The following DAB2IP variants were observed in gnomAD, a reference collection of about 807,000 sequenced individuals.
The protein encoded by DAB2IP is DAB2 interacting protein.
Under a neutral mutation model 107.2 loss-of-function variants are expected in DAB2IP, and 28 were observed. The observed-to-expected ratio is 0.26, with a 90% CI of 0.19 to 0.36. The LOEUF is 0.36. Ranked by LOEUF, DAB2IP falls within the 10% of genes least tolerant of loss-of-function variation. DAB2IP has a pLI of 1.00. For missense variants in DAB2IP, 1,400 were observed against 1,644.7 expected (o/e 0.85, Z 2.57); for synonymous variants, 755 against 706.4 (o/e 1.07, Z -1.09).
chr9:121,782,981 G>A lies in DAB2IP; in HGVS notation c.*483G>A, dbSNP rs2119048957. ...GCCAGGCCCTGTCATGTGGGACCTG[G>A]CACTTGGCAGATCAGTTGGCAGGCA... On this transcript the variant is annotated 3_prime_UTR_variant, in exon 16 of 16. Transcript: ENST00000408936. The surrounding 1 kb of genome is among the most constrained non-coding windows in gnomAD (Gnocchi z 6.1). 2.0e-6 allele frequency: 2 copies of A among 1,021,782 alleles called. No homozygotes were observed. Among genetic ancestry groups the A allele is most frequent in the East Asian group, 8.8e-5 (1 of 11,316 alleles). The allele number at this position is 1,021,782 out of a possible 1,614,324, so 63.3% of individuals were successfully genotyped here.
intron 1 of DAB2IP, among the ~76,000 whole-genome samples, chr9:121,620,512 A>C (rs752227926): frequency 1.6e-4 from 25 of 152,212 alleles, no homozygotes; most frequent in Non-Finnish European, 2.9e-4. Context: ...TGCTAACCCC[A>C]GTAGGTTCTT....
chr9:121,690,626 C>T (rs369188547), intron 2 of DAB2IP, among the ~76,000 whole-genome samples: 39 of 152,320 alleles, frequency 2.6e-4, no homozygotes, highest in African/African-American at 8.7e-4. Flanking sequence ...GGTTTCTGTT[C>T]GCTGATGCCC....
intron 14 of DAB2IP, among the ~76,000 whole-genome samples, chr9:121,778,177 A>G (rs1328716244): frequency 1.3e-5 from 2 of 152,204 alleles, no homozygotes; most frequent in African/African-American, 2.4e-5. Context: ...CTCACATTGT[A>G]GGGGGTGTGA....
chr9:121,609,919 G>C (rs1352330717), intron 1 of DAB2IP, among the ~76,000 whole-genome samples: 1 of 152,192 alleles, frequency 6.6e-6, no homozygotes, highest in East Asian at 1.9e-4. Flanking sequence ...AGCCAGCAAC[G>C]CCAAGCCTGC....
chr9:121,783,208 A>G (rs1588028159), exon 16 of DAB2IP: 3 of 1,119,686 alleles, frequency 2.7e-6, no homozygotes, highest in Non-Finnish European at 3.3e-6. Flanking sequence ...AGATAGACCC[A>G]GTGAGGGCCA....
At chr9:121,605,161 A>ACTACATGGTG (rs1564695956) in intron 1 of DAB2IP, among the ~76,000 whole-genome samples, 18 of 152,168 alleles carry the variant, frequency 1.2e-4, no homozygotes, top group Middle Eastern at 6.8e-3. Flanking sequence ...TTGGGACTAC[A>ACTACATGGTG]GGTGCTCGCC....
intron 1 of DAB2IP, among the ~76,000 whole-genome samples, chr9:121,664,518 C>A (rs963770435): frequency 1.3e-5 from 2 of 152,214 alleles, no homozygotes; most frequent in Non-Finnish European, 2.9e-5. Context: ...GTTTTCCAAG[C>A]CTTGAATGTA....
In DAB2IP at chr9:121,736,331, GC is replaced by G. The variant is rs1831906599; in HGVS notation, c.363-20680del. Among the ~76,000 whole-genome samples, 1 of 152,216 alleles carries G rather than the reference GC, an allele frequency of 6.6e-6. No individual in the cohort carries two copies. The highest frequency in any genetic ancestry group is 2.4e-5 in the African/African-American group (1 of 41,462). On this transcript the variant is annotated intron_variant, in intron 3 of 15. Transcript: ENST00000408936. This position sits in a 1 kb window ranked among gnomAD's most constrained non-coding sequence, Gnocchi z 4.6. Reference sequence around the variant, plus strand: ...CGCGGGCAAGTGAGGGGCTGGCGGGGCCGGTGGGGACCCAGACTCGCACGAA... The same window carrying G: ...CGCGGGCAAGTGAGGGGCTGGCGGGGCGGTGGGGACCCAGACTCGCACGAA...
intron 1 of DAB2IP, among the ~76,000 whole-genome samples, chr9:121,632,103 G>C (rs1448690709): frequency 6.6e-6 from 1 of 152,216 alleles, no homozygotes; most frequent in Non-Finnish European, 1.5e-5. Flanking sequence ...AGGAGGCTCA[G>C]ACCTCTGGGG....
At chr9:121,575,770 G>A (rs1448660942) in intron 1 of DAB2IP, among the ~76,000 whole-genome samples, 1 of 152,110 alleles carries the variant, frequency 6.6e-6, no homozygotes, top group Non-Finnish European at 1.5e-5. Context: ...GATACGCCCT[G>A]GGCTGCTTAG....
At chr9:121,750,741 T>C (rs1028037013) in intron 3 of DAB2IP, among the ~76,000 whole-genome samples, 1 of 152,244 alleles carries the variant, frequency 6.6e-6, no homozygotes, top group Non-Finnish European at 1.5e-5. Flanking sequence ...TTGGGGTCCT[T>C]TCCCTCCTTG....
intron 1 of DAB2IP, among the ~76,000 whole-genome samples, chr9:121,676,032 G>A (rs1035965540): frequency 2.0e-5 from 3 of 152,230 alleles, no homozygotes; most frequent in Non-Finnish European, 4.4e-5. Flanking sequence ...CTTAAGAGAC[G>A]GCGCCAGGCT....
intron 3 of DAB2IP, among the ~76,000 whole-genome samples, chr9:121,709,249 G>A (rs1266665765): frequency 6.6e-6 from 1 of 152,196 alleles, no homozygotes. Flanking sequence ...CTGCATTCAG[G>A]TCATGAAGCC....
At chr9:121,734,517 A>T (rs1166046877) in intron 3 of DAB2IP, among the ~76,000 whole-genome samples, 2 of 152,212 alleles carry the variant, frequency 1.3e-5, no homozygotes, top group East Asian at 1.9e-4. Flanking sequence ...CCCACTGGAG[A>T]TGGACATATT....
chr9:121,760,463 T>G lies in DAB2IP; in HGVS notation c.1170+24T>G, dbSNP rs1833808331. On this transcript the variant is annotated intron_variant, in intron 6 of 15. Coordinates refer to ENST00000408936, the Ensembl canonical transcript of DAB2IP. This position sits in a 1 kb window ranked among gnomAD's most constrained non-coding sequence, Gnocchi z 5.9. ...AGGTGCGTGCAGGCCCCTCGGCTCCTGACACAGGCTGGGCGGCAGCACTGG... is the reference window on the plus strand; with the variant it reads ...AGGTGCGTGCAGGCCCCTCGGCTCCGGACACAGGCTGGGCGGCAGCACTGG... The G allele has an allele frequency of 1.9e-6, 3 of 1,556,208 alleles. No individual in the cohort carries two copies. Among genetic ancestry groups the G allele is most frequent in the Non-Finnish European group, 2.6e-6 (3 of 1,155,896 alleles).
intron 3 of DAB2IP, among the ~76,000 whole-genome samples, chr9:121,753,547 G>A (rs562322588): frequency 6.6e-6 from 1 of 152,366 alleles, no homozygotes; most frequent in East Asian, 1.9e-4. Flanking sequence ...GTAGCTGTGG[G>A]CATGGCTCCT....
At chr9:121,770,759 G>A (rs369588392) in intron 11 of DAB2IP, 35 bp downstream of exon 11, 93 of 1,607,714 alleles carry the variant, frequency 5.8e-5, no homozygotes, top group Non-Finnish European at 7.6e-5. Context: ...TGTGGTGGGT[G>A]CGTGTGCAGA....
chr9:121,678,234 A>C (rs917997104), intron 1 of DAB2IP, among the ~76,000 whole-genome samples: 6 of 152,260 alleles, frequency 3.9e-5, no homozygotes, highest in Non-Finnish European at 8.8e-5. Context: ...TAGTTCATAT[A>C]AATGGGATCA....
chr9:121,722,884 A>T (rs997719434), intron 3 of DAB2IP, among the ~76,000 whole-genome samples: 6 of 151,976 alleles, frequency 3.9e-5, no homozygotes, highest in Non-Finnish European at 7.4e-5. Flanking sequence ...AAGTAACAAA[A>T]CTTCTATGCC....
Sources: gnomAD v4.1 joint callset for allele counts (sites outside exome capture counted in the v4.1 genomes callset) on GRCh38, gnomAD v4.1.1 for gene constraint, Gnocchi (gnomAD v3.1) non-coding constraint, MANE v1.5 for transcripts, NCBI Gene and HGNC (gene_info 2026-07-23, HGNC 2026-07-21) for gene names.